The following NDUFA13 variants were observed in gnomAD, a reference collection of about 807,000 sequenced individuals.
NDUFA13 encodes the protein NADH dehydrogenase [ubiquinone] 1 alpha subcomplex subunit 13.
A neutral mutation model predicts 17.0 loss-of-function variants in NDUFA13; 16 were observed. The ratio of observed to expected loss-of-function variants is 0.94; its 90% confidence interval spans 0.64 to 1.43. NDUFA13 has a LOEUF of 1.43. Among genes scored for constraint, NDUFA13 ranks in the 40% most tolerant of loss-of-function variants. NDUFA13 has a pLI of 0.00. For missense variants in NDUFA13, 228 were observed against 206.7 expected (o/e 1.10, Z -0.63); for synonymous variants, 87 against 78.4 (o/e 1.11, Z -0.58).
At chr19:19,518,393 TC>T (rs1379103770) in intron 1 of NDUFA13, among the ~76,000 whole-genome samples, 23 of 150,178 alleles carry the variant, frequency 1.5e-4, no homozygotes, top group Admixed American at 1.3e-3. Flanking sequence ...TGCCACCACA[TC>T]CGGCTAATTT....
At chr19:19,522,477 CTTTT>C (rs3067694) in intron 1 of NDUFA13, among the ~76,000 whole-genome samples, 3 of 95,036 alleles carry the variant, frequency 3.2e-5, no homozygotes, top group South Asian at 4.1e-4. Context: ...GTCTTTGATC[CTTTT>C]TTTTTTTTTT....
chr19:19,527,388 GC>G (rs746725714), intron 3 of NDUFA13, 36 bp downstream of exon 3: 1 of 1,611,042 alleles, frequency 6.2e-7, no homozygotes, highest in Non-Finnish European at 8.5e-7. Flanking sequence ...GAGGTCACTG[GC>G]CGGAAGGCCC....
chr19:19,522,073 G>C (rs1052426167), intron 1 of NDUFA13, among the ~76,000 whole-genome samples: 3 of 152,076 alleles, frequency 2.0e-5, no homozygotes, highest in African/African-American at 4.8e-5. Flanking sequence ...GGGGGGCAGA[G>C]GCAGGTGGAT....
chr19:19,517,472 A>G (rs536690796), intron 1 of NDUFA13, among the ~76,000 whole-genome samples: 75 of 152,298 alleles, frequency 4.9e-4, no homozygotes, highest in Admixed American at 1.2e-3. Flanking sequence ...TCGGCTTCCC[A>G]AAGTGATGGG....
chr19:19,525,393 C>T (rs530572610), intron 1 of NDUFA13, among the ~76,000 whole-genome samples: 6 of 152,346 alleles, frequency 3.9e-5, no homozygotes, highest in African/African-American at 1.4e-4. Context: ...CCCCAGCAGG[C>T]ATAGAGCAGG....
At chr19:19,518,918 AT>A (rs1412958127) in intron 1 of NDUFA13, among the ~76,000 whole-genome samples, 15 of 150,486 alleles carry the variant, frequency 1.0e-4, no homozygotes, top group Non-Finnish European at 1.6e-4. Context: ...AATTTTTTGT[AT>A]TTTTAGTAGA....
chr19:19,517,704 T>C (rs2061056578), intron 1 of NDUFA13, among the ~76,000 whole-genome samples: 1 of 151,386 alleles, frequency 6.6e-6, no homozygotes, highest in South Asian at 2.1e-4. Context: ...TATTTCTACT[T>C]TTTGTAGAGA....
intron 4 of NDUFA13, 88 bp from the exon 5 acceptor site, chr19:19,527,919 G>A (rs527542347): frequency 4.6e-6 from 7 of 1,536,690 alleles, no homozygotes; most frequent in East Asian, 4.5e-5. Flanking sequence ...CGCCTGCCAC[G>A]CACAGGGGCC....
intron 1 of NDUFA13, among the ~76,000 whole-genome samples, chr19:19,521,867 G>A (rs890426053): frequency 6.6e-6 from 1 of 152,086 alleles, no homozygotes; most frequent in Non-Finnish European, 1.5e-5. Context: ...CTCCCAAAGT[G>A]CTGGGATTAC....
intron 1 of NDUFA13, among the ~76,000 whole-genome samples, chr19:19,517,403 G>A (rs1382945049): frequency 6.6e-6 from 1 of 151,746 alleles, no homozygotes. Flanking sequence ...ATAGAGATGG[G>A]ATCTCGCCAT....
chr19:19,525,366 C>T (rs1484673281), intron 1 of NDUFA13, among the ~76,000 whole-genome samples: 1 of 152,224 alleles, frequency 6.6e-6, no homozygotes, highest in East Asian at 1.9e-4. Flanking sequence ...GAGCAGGGCC[C>T]GGCAGGCACA....
rs1429577883 is a variant in NDUFA13 at position 19,516,247 on chromosome 19, G to T, written c.9G>T (p.Ala3=). 6.2e-7 allele frequency: 1 copy of T among 1,613,992 alleles called. No individual in the cohort carries two copies. The highest frequency in any genetic ancestry group is 8.5e-7 in the Non-Finnish European group (1 of 1,180,048). The change falls in exon 1 of 5, where the codon GCG becomes GCT. Residue 3 remains alanine, a synonymous_variant. Transcript: ENST00000507754. MA[A]SKVKQDMPPP... ...TGTGGGATACTGCGAGTATGGCGGC[G>T]TCAAAGGTGAAGCAGGACATGCCTC...
chr19:19,524,008 T>A (rs1159290293), intron 1 of NDUFA13, among the ~76,000 whole-genome samples: 6 of 152,180 alleles, frequency 3.9e-5, no homozygotes, highest in Admixed American at 3.9e-4. Context: ...AGTCAAGTGA[T>A]CCTCTCACCT....
intron 1 of NDUFA13, 54 bp downstream of exon 1, chr19:19,516,386 G>A (rs1479648674): frequency 4.4e-6 from 7 of 1,592,962 alleles, no homozygotes; most frequent in Admixed American, 3.4e-5. Context: ...GGGCTCGGGG[G>A]CGGGGTTCCG....
chr19:19,524,925 T>C (rs2061093689), intron 1 of NDUFA13, among the ~76,000 whole-genome samples: 1 of 152,148 alleles, frequency 6.6e-6, no homozygotes, highest in Admixed American at 6.5e-5. Flanking sequence ...GGGTCCCAGT[T>C]ACTCGGGAGG....
intron 1 of NDUFA13, among the ~76,000 whole-genome samples, chr19:19,523,221 G>T (rs1600347310): frequency 6.6e-6 from 1 of 152,298 alleles, no homozygotes; most frequent in Admixed American, 6.5e-5. Flanking sequence ...TTTGCACAGC[G>T]TTGCCATCTG....
chr19:19,527,624 G>A, intron 3 of NDUFA13, 77 bp from the exon 4 acceptor site: 2 of 1,183,360 alleles, frequency 1.7e-6, no homozygotes, highest in Non-Finnish European at 1.2e-6. Flanking sequence ...GGCTTGAAGG[G>A]GTGCTACTAG....
At position 19,526,228 on chromosome 19, in the gene NDUFA13, C is replaced by T. The variant is rs564007361; in HGVS notation, c.141C>T (p.His47=). 1 of 1,614,164 alleles carries T rather than the reference C, an allele frequency of 6.2e-7. No individual in the cohort carries two copies. The highest frequency in any genetic ancestry group is 2.2e-5 in the East Asian group (1 of 44,894). The change falls in exon 2 of 5, where the codon CAC becomes CAT. Residue 47 remains histidine (H), a synonymous_variant. Coordinates refer to ENST00000507754, the MANE Select transcript of NDUFA13 (RefSeq NM_015965.7). ...AIGIGTLIYG[H]WSIMKWNRER... Reference sequence around the variant, plus strand: ...GGATTGGAACCCTGATCTACGGGCACTGGAGCATAATGAAGTGGAACCGTG... The same window carrying T: ...GGATTGGAACCCTGATCTACGGGCATTGGAGCATAATGAAGTGGAACCGTG...
chr19:19,516,904 C>T (rs761585958), intron 1 of NDUFA13, among the ~76,000 whole-genome samples: 17 of 152,168 alleles, frequency 1.1e-4, no homozygotes, highest in Non-Finnish European at 2.1e-4. Flanking sequence ...TCTCTTGCCT[C>T]AGCCTCCTGA....
Sources: gnomAD v4.1 joint callset for allele counts (sites outside exome capture counted in the v4.1 genomes callset) on GRCh38, gnomAD v4.1.1 for gene constraint, MANE v1.5 for transcripts, NCBI Gene and HGNC (gene_info 2026-07-23, HGNC 2026-07-21) for gene names.